The following EGF variants were observed in gnomAD, a reference collection of about 807,000 sequenced individuals.
EGF encodes the protein pro-epidermal growth factor.
Under a neutral mutation model 143.8 loss-of-function variants are expected in EGF, and 95 were observed. The observed-to-expected ratio is 0.66, with a 90% CI of 0.56 to 0.78. The LOEUF (loss-of-function observed/expected upper bound fraction) is 0.78. Among genes scored for constraint, EGF ranks in the 30% least tolerant of loss-of-function variants. EGF has a pLI of 0.00. For missense variants in EGF, 1,320 were observed against 1,470.9 expected (o/e 0.90, Z 1.68); for synonymous variants, 510 against 510.5 (o/e 1.00, Z 0.01).
chr4:109,943,101 C>T (rs552016399), intron 2 of EGF, among the ~76,000 whole-genome samples, 153 bp from the exon 3 acceptor site: 8 of 152,070 alleles, frequency 5.3e-5, no homozygotes, highest in Non-Finnish European at 7.4e-5. Context: ...ACAAAGGCAC[C>T]GTATCTGTGA....
At chr4:109,929,918 TC>T (rs2125969586) in intron 1 of EGF, among the ~76,000 whole-genome samples, 1 of 152,290 alleles carries the variant, frequency 6.6e-6, no homozygotes, top group Non-Finnish European at 1.5e-5. Context: ...TGAATTGTAA[TC>T]CCCAGGTGTT....
intron 5 of EGF, among the ~76,000 whole-genome samples, chr4:109,947,200 T>C (rs1364774568): frequency 6.6e-6 from 1 of 152,184 alleles, no homozygotes; most frequent in African/African-American, 2.4e-5. Flanking sequence ...GTCAGGTTTT[T>C]AAAAATTTGT....
At chr4:109,942,620 G>A (rs745379290) in intron 2 of EGF, among the ~76,000 whole-genome samples, 39 of 152,264 alleles carry the variant, frequency 2.6e-4, no homozygotes, top group African/African-American at 5.3e-4. Context: ...TTACCTGCCC[G>A]TGGCTGAAAT....
chr4:110,000,791 A>C lies in EGF; in HGVS notation c.3173+945A>C, dbSNP rs1427600896. Among the ~76,000 whole-genome samples the C allele has an allele frequency of 4.6e-5, 7 of 152,338 alleles. No homozygotes were observed. In the South Asian group the frequency reaches 1.4e-3, roughly 32 times the overall value. On this transcript the variant is annotated intron_variant, in intron 21 of 23. Transcript: ENST00000265171. ...GTACGGTTATAGTTTGTGTTGTACA[A>C]AATCAGTGAGTCATAAAACTTTAGG...
chr4:109,980,251 TA>T, intron 14 of EGF, 112 bp downstream of exon 14: 1 of 1,124,944 alleles, frequency 8.9e-7, no homozygotes, highest in Non-Finnish European at 1.3e-6. Context: ...TAACTTTCAC[TA>T]ACTGTGTAGA....
chr4:109,935,546 T>C (rs1442969033), intron 1 of EGF, among the ~76,000 whole-genome samples: 1 of 152,182 alleles, frequency 6.6e-6, no homozygotes, highest in East Asian at 1.9e-4. Flanking sequence ...ACCCTTTATT[T>C]CTTCCTCTTG....
chr4:109,948,658 G>T (rs918355957), intron 5 of EGF, among the ~76,000 whole-genome samples: 2 of 151,976 alleles, frequency 1.3e-5, no homozygotes. Flanking sequence ...TAATTTTGTT[G>T]TGTTTTTGGT....
Position 109,913,369 on chromosome 4 carries a change from G to T in EGF, c.34G>T (p.Val12Phe). The change falls in exon 1 of 24, where the codon GTT becomes TTT. Residue 12 changes from valine (V) to phenylalanine (F), a missense_variant. By Grantham distance (50) the Val-to-Phe change is conservative. Transcript: ENST00000265171. ...LLTLIILLPV[V>F]SKFSFVSLSA... The stretch of plus-strand genomic sequence containing the variant: ...CACTCTTATCATTCTGTTGCCAGTA[G>T]TTTCAAAATTTAGTTTTGTTAGTCT... The T allele has an allele frequency of 6.2e-7, 1 of 1,613,964 alleles. No individual in the cohort carries two copies. Among genetic ancestry groups the T allele is most frequent in the Non-Finnish European group, 8.5e-7 (1 of 1,179,900 alleles).
chr4:109,948,419 C>A (rs1214065681), intron 5 of EGF, among the ~76,000 whole-genome samples: 1 of 152,150 alleles, frequency 6.6e-6, no homozygotes, highest in Non-Finnish European at 1.5e-5. Context: ...TGAAAATATG[C>A]ACTGTTCCAC....
intron 2 of EGF, among the ~76,000 whole-genome samples, chr4:109,941,659 C>T (rs1741950588): frequency 6.6e-6 from 1 of 152,060 alleles, no homozygotes; most frequent in Non-Finnish European, 1.5e-5. Flanking sequence ...TGTCCAGCCC[C>T]AAATGTCAAT....
chr4:109,975,476 A>C (rs1481834926), intron 12 of EGF, among the ~76,000 whole-genome samples: 1 of 152,192 alleles, frequency 6.6e-6, no homozygotes, highest in African/African-American at 2.4e-5. Flanking sequence ...AAAATTATGA[A>C]CCATATTGAC....
At chr4:109,980,788 T>C (rs1412759225) in intron 14 of EGF, 38 bp from the exon 15 acceptor site, 1 of 1,613,644 alleles carries the variant, frequency 6.2e-7, no homozygotes, top group East Asian at 2.2e-5. Context: ...CTTTTCATCT[T>C]CAAACCCACT....
chr4:109,974,966 C>T (rs1043240173), intron 12 of EGF, among the ~76,000 whole-genome samples, 159 bp downstream of exon 12: 1 of 152,100 alleles, frequency 6.6e-6, no homozygotes, highest in Non-Finnish European at 1.5e-5. Flanking sequence ...ATTTTCTATT[C>T]TTGTATAATA....
At chr4:109,932,673 C>T (rs578031045) in intron 1 of EGF, among the ~76,000 whole-genome samples, 3 of 151,898 alleles carry the variant, frequency 2.0e-5, no homozygotes, top group East Asian at 1.9e-4. Context: ...TGAGCCACCG[C>T]GCCTGGCCCA....
intron 1 of EGF, among the ~76,000 whole-genome samples, chr4:109,915,408 G>A (rs2250616): frequency 0.29 from 43,896 of 151,938 alleles, 6,692 homozygotes; most frequent in Middle Eastern, 0.4. Flanking sequence ...TGGGCTCCAC[G>A]TCTTGGCTAA....
chr4:109,951,176 T>C (rs1054915502), intron 5 of EGF, among the ~76,000 whole-genome samples: 242 of 150,442 alleles, frequency 1.6e-3, no homozygotes, highest in African/African-American at 5.7e-3. Context: ...TAAAATAAAA[T>C]AAAATAAAAT....
intron 16 of EGF, among the ~76,000 whole-genome samples, chr4:109,983,876 C>T (rs959172385): frequency 6.6e-6 from 1 of 152,218 alleles, no homozygotes; most frequent in Non-Finnish European, 1.5e-5. Flanking sequence ...ATTTGGTCCA[C>T]CTTGCTGTTT....
chr4:109,977,321 A>T (rs1006721686), intron 13 of EGF: 4 of 152,194 alleles, frequency 2.6e-5, no homozygotes, highest in African/African-American at 9.6e-5. Context: ...GCTTAAGATA[A>T]GTATAATTTA....
At chr4:110,004,673 T>C in intron 22 of EGF, 51 bp downstream of exon 22, 1 of 1,522,120 alleles carries the variant, frequency 6.6e-7, no homozygotes, top group Non-Finnish European at 9.1e-7. Context: ...TATTAACCCC[T>C]ATTCATTTTT....
Sources: gnomAD v4.1 joint callset for allele counts (sites outside exome capture counted in the v4.1 genomes callset) on GRCh38, gnomAD v4.1.1 for gene constraint, MANE v1.5 for transcripts, NCBI Gene and HGNC (gene_info 2026-07-23, HGNC 2026-07-21) for gene names.